Variants in ESRP1 observed in about 807,000 individuals in gnomAD.
The protein encoded by ESRP1 is RNA-binding motif protein 35A.
In ESRP1, 33 loss-of-function variants were observed where a neutral mutation model predicts 81.7. That is an observed-to-expected ratio of 0.40 (90% CI 0.31 to 0.54). ESRP1 has a LOEUF of 0.54. Ranked by LOEUF, ESRP1 falls within the 20% of genes least tolerant of loss-of-function variation. ESRP1 has a pLI of 0.41. For missense variants in ESRP1, 672 were observed against 833.1 expected (o/e 0.81, Z 2.38); for synonymous variants, 320 against 303.3 (o/e 1.06, Z -0.57).
At chr8:94,704,423 G>C (rs1328886921) in intron 15 of ESRP1, among the ~76,000 whole-genome samples, 1 of 151,908 alleles carries the variant, frequency 6.6e-6, no homozygotes, top group African/African-American at 2.4e-5. Flanking sequence ...AGACTAGCCT[G>C]GACGACATAG....
At chr8:94,686,673 A>G (rs770768650) in intron 13 of ESRP1, among the ~76,000 whole-genome samples, 1 of 152,190 alleles carries the variant, frequency 6.6e-6, no homozygotes, top group Non-Finnish European at 1.5e-5. Flanking sequence ...TTGAACTTTT[A>G]TATCTTTTGA....
At position 94,641,269 on chromosome 8, in the gene ESRP1, A is replaced by C. The variant is rs560979069; in HGVS notation, c.-50A>C. The C allele has an allele frequency of 5.4e-4, 847 of 1,576,430 alleles. 4 individuals carry two copies. In the African/African-American group the frequency reaches 0.011, roughly 20 times the overall value. ...CAGGTTTTTTCGTTCTCACTTCCAC[A>C]CCACCTTACCGCCTCCCGACCCCCC... On this transcript the variant is annotated 5_prime_UTR_variant, in exon 1 of 16. Transcript: ENST00000433389.
rs148864961 is a variant in ESRP1, at chr8:94,685,662, T to C, written c.1821-7015T>C. Among the ~76,000 whole-genome samples the C allele has an allele frequency of 5.1e-3, 770 of 151,974 alleles. 3 individuals carry two copies. The highest frequency in any genetic ancestry group is 0.011 in the Admixed American group (174 of 15,268). On this transcript the variant is annotated intron_variant, in intron 13 of 15. Coordinates refer to ENST00000433389, the MANE Select transcript of ESRP1 (RefSeq NM_017697.4). Reference sequence around the variant, plus strand: ...AAAAAATAAAAAAATTAGCCAGGCATGGTGGCAGATGCCTATAATCCCAGC... The same window carrying C: ...AAAAAATAAAAAAATTAGCCAGGCACGGTGGCAGATGCCTATAATCCCAGC...
In ESRP1 at chr8:94,641,620, A is replaced by G. The variant is rs1451036692; in HGVS notation, c.132+170A>G. ...AGAGTAAAACCAAACTTATTGGCCAACTGCCTTGGAGCCATTTCAGTCCTC... is the reference window on the plus strand; with the variant it reads ...AGAGTAAAACCAAACTTATTGGCCAGCTGCCTTGGAGCCATTTCAGTCCTC... On this transcript the variant is annotated intron_variant, in intron 1 of 15. Coordinates refer to ENST00000433389, the MANE Select transcript of ESRP1 (RefSeq NM_017697.4). 5 of 934,356 alleles carry G rather than the reference A, an allele frequency of 5.4e-6. No homozygotes were observed. The African/African-American group carries it at 8.2e-5, about 15-fold the overall frequency. 57.9% of individuals were successfully genotyped at this position (934,356 alleles called of 1,614,324 possible).
intron 15 of ESRP1, among the ~76,000 whole-genome samples, chr8:94,699,927 T>A (rs1304475942): frequency 2.0e-5 from 3 of 152,100 alleles, no homozygotes; most frequent in Admixed American, 2.0e-4. Flanking sequence ...CGCCTCCTTA[T>A]CAATATCAAA....
At chr8:94,695,557 T>C (rs1586258772) in intron 14 of ESRP1, among the ~76,000 whole-genome samples, 1 of 151,322 alleles carries the variant, frequency 6.6e-6, no homozygotes, top group Non-Finnish European at 1.5e-5. Flanking sequence ...GGTTTTACCA[T>C]GCTGGCCAGG....
At position 94,648,590 on chromosome 8, in the gene ESRP1, C is replaced by A. The variant is rs528961833; in HGVS notation, c.490+2308C>A. ...ATTTTCCTTGCCAATATGGAAGTGA[C>A]GCTGAATTGGGAGATCTGTAGTCAT... On this transcript the variant is annotated intron_variant, in intron 4 of 15. Coordinates refer to ENST00000433389, the MANE Select transcript of ESRP1 (RefSeq NM_017697.4). 5.3e-5 allele frequency among the ~76,000 whole-genome samples: 8 copies of A among 152,288 alleles called. No homozygotes were observed. In the South Asian group the frequency reaches 1.2e-3, roughly 24 times the overall value.
At chr8:94,653,802 GAT>G (rs10651120) in intron 4 of ESRP1, among the ~76,000 whole-genome samples, 4 of 150,776 alleles carry the variant, frequency 2.7e-5, no homozygotes, top group Admixed American at 1.3e-4. Context: ...GTATGAAAGG[GAT>G]ATATATATAT....
Position 94,658,484 on chromosome 8 carries a change from G to A in ESRP1, c.491-3788G>A, listed in dbSNP as rs772197177. On this transcript the variant is annotated intron_variant, in intron 4 of 15. Coordinates refer to ENST00000433389, the MANE Select transcript of ESRP1 (RefSeq NM_017697.4). Reference sequence around the variant, plus strand: ...GTATCTAATGAACTCTTAAATTGACGATTGTGGCCTAGAACAGTTTTGGTG... The same window carrying A: ...GTATCTAATGAACTCTTAAATTGACAATTGTGGCCTAGAACAGTTTTGGTG... 1.3e-4 allele frequency among the ~76,000 whole-genome samples: 20 copies of A among 152,164 alleles called. No homozygotes were observed. The East Asian group carries it at 1.3e-3, about 10-fold the overall frequency.
chr8:94,699,126 T>G (rs1433209708), intron 15 of ESRP1, among the ~76,000 whole-genome samples: 1 of 152,206 alleles, frequency 6.6e-6, no homozygotes, highest in Non-Finnish European at 1.5e-5. Flanking sequence ...ATAAGTATAC[T>G]GAATAAGAAA....
intron 1 of ESRP1, chr8:94,641,659 A>G: frequency 1.4e-6 from 1 of 736,600 alleles, no homozygotes; most frequent in Non-Finnish European, 2.1e-6. Flanking sequence ...AACTTAGCTC[A>G]GGTGGAGAGG....
chr8:94,643,886 G>GA (rs1817727282), intron 3 of ESRP1, among the ~76,000 whole-genome samples: 1 of 151,934 alleles, frequency 6.6e-6, no homozygotes, highest in Non-Finnish European at 1.5e-5. Flanking sequence ...AGAAAGGAAG[G>GA]AAAAAAGAAT....
intron 13 of ESRP1, among the ~76,000 whole-genome samples, chr8:94,683,723 T>C (rs546674516): frequency 5.3e-5 from 8 of 152,064 alleles, no homozygotes; most frequent in Non-Finnish European, 1.2e-4. Context: ...ATGAGAGAAG[T>C]GTCAGGTAAT....
rs1385157713 is a variant in ESRP1 at position 94,707,222 on chromosome 8, T to C, written c.*1333T>C. On this transcript the variant is annotated 3_prime_UTR_variant, in exon 16 of 16. Coordinates refer to ENST00000433389, the MANE Select transcript of ESRP1 (RefSeq NM_017697.4). Reference sequence around the variant, plus strand: ...CTTAAAGGGAGAAGCAAACATTTCCTTCTTCAGCTGACTGGCAATGGCCCT... The same window carrying C: ...CTTAAAGGGAGAAGCAAACATTTCCCTCTTCAGCTGACTGGCAATGGCCCT... 1.3e-5 allele frequency: 2 copies of C among 152,216 alleles called. No individual in the cohort carries two copies. Among genetic ancestry groups the C allele is most frequent in the African/African-American group, 4.8e-5 (2 of 41,446 alleles). 9.4% of individuals were successfully genotyped at this position (152,216 alleles called of 1,614,324 possible).
At chr8:94,670,181 T>G (rs1345116380) in intron 10 of ESRP1, among the ~76,000 whole-genome samples, 3 of 152,186 alleles carry the variant, frequency 2.0e-5, no homozygotes. Flanking sequence ...CTTGATTTAT[T>G]TAATAAGTTT....
intron 14 of ESRP1, 46 bp downstream of exon 14, chr8:94,692,873 A>G: frequency 1.3e-6 from 2 of 1,580,906 alleles, no homozygotes. Flanking sequence ...TTATTACTTA[A>G]GTTGATTTGC....
chr8:94,667,823 G>A (rs963112994), intron 9 of ESRP1, 126 bp from the exon 10 acceptor site: 15 of 654,894 alleles, frequency 2.3e-5, no homozygotes, highest in South Asian at 1.7e-4. Flanking sequence ...GTTATTTTGC[G>A]TTCAGTAGGA....
chr8:94,648,898 C>T (rs977029198), intron 4 of ESRP1, among the ~76,000 whole-genome samples: 4 of 152,246 alleles, frequency 2.6e-5, no homozygotes, highest in Admixed American at 6.5e-5. Flanking sequence ...ATTAACTTTA[C>T]ATCCAAGTAA....
intron 4 of ESRP1, among the ~76,000 whole-genome samples, chr8:94,647,136 AT>A (rs1817893492): frequency 1.3e-5 from 2 of 151,888 alleles, no homozygotes; most frequent in Admixed American, 1.3e-4. Context: ...TTACTTCACG[AT>A]TTTTTTTCCT....
Sources: allele counts gnomAD v4.1 joint callset (sites outside exome capture counted in the v4.1 genomes callset), GRCh38; gene constraint gnomAD v4.1.1; transcripts MANE v1.5; gene names NCBI Gene and HGNC (gene_info 2026-07-23, HGNC 2026-07-21).